Variants in CRIP2 observed in about 807,000 individuals in gnomAD.
CRIP2 encodes the protein cysteine-rich protein 2.
CRIP2 carries 31 observed loss-of-function variants against 31.3 expected under a neutral mutation model. The ratio of observed to expected loss-of-function variants is 0.99; its 90% confidence interval spans 0.74 to 1.34. The LOEUF (loss-of-function observed/expected upper bound fraction) is 1.34, where lower values mean the gene tolerates loss of function less well. Ranked by LOEUF, CRIP2 falls within the 40% of genes most tolerant of loss-of-function variation. The probability of loss-of-function intolerance (pLI) is 0.00; values close to 1 mark genes in which losing one functional copy is unlikely to be tolerated. For missense variants in CRIP2, 389 were observed against 301.6 expected (o/e 1.29, Z -2.15); for synonymous variants, 177 against 127.2 (o/e 1.39, Z -2.63).
chr14:105,479,071 AC>A (rs2084025062), intron 5 of CRIP2, 24 bp downstream of exon 5: 1 of 1,519,444 alleles, frequency 6.6e-7, no homozygotes, highest in South Asian at 1.2e-5. Flanking sequence ...CGGGCCCCGG[AC>A]CCCCGCCCCC....
chr14:105,476,521 C>A (rs1036868853), intron 1 of CRIP2: 1 of 985,520 alleles, frequency 1.0e-6, no homozygotes, highest in Non-Finnish European at 1.2e-6. Flanking sequence ...TAGACCCAAT[C>A]GATTCTGTGT....
chr14:105,479,811 C>G lies in CRIP2; in HGVS notation c.*158C>G. On this transcript the variant is annotated 3_prime_UTR_variant, in exon 8 of 8. Transcript: ENST00000329146. ...GCAGCCACGGGCAGAGCACCATGCCCATCCCCGAGTCTCTGGTGTGTCTGC... is the reference window on the plus strand; with the variant it reads ...GCAGCCACGGGCAGAGCACCATGCCGATCCCCGAGTCTCTGGTGTGTCTGC... The G allele has an allele frequency of 1.3e-6, 1 of 743,360 alleles. No individual in the cohort carries two copies. Among genetic ancestry groups the G allele is most frequent in the Non-Finnish European group, 2.2e-6 (1 of 450,234 alleles). 46.0% of individuals were successfully genotyped at this position (743,360 alleles called of 1,614,324 possible). A position where few individuals can be genotyped will look rare whatever the true frequency, so the allele number is the denominator to read the frequency against.
chr14:105,475,262 G>A (rs978207189), intron 1 of CRIP2: 1 of 229,244 alleles, frequency 4.4e-6, no homozygotes. Flanking sequence ...GGGGCAGGGC[G>A]TGGCTGTACG....
rs1396947362 is a variant in CRIP2, at chr14:105,479,056, G to A, written c.406+9G>A. ...CAAGAAGGTGTACTTCGGTGAGTGC[G>A]CGCCCGGGCCCCGGACCCCCGCCCC... On this transcript the variant is annotated intron_variant, in intron 5 of 7. Coordinates refer to ENST00000329146, the MANE Select transcript of CRIP2 (RefSeq NM_001312.4). 12 of 1,568,202 alleles carry A rather than the reference G, an allele frequency of 7.7e-6. No individual in the cohort carries two copies. The highest frequency in any genetic ancestry group is 3.7e-5 in the Admixed American group (2 of 53,920).
chr14:105,478,024 G>A lies in CRIP2; in HGVS notation c.44-242G>A, dbSNP rs2083985805. ...AGCCCCGGGCCCCTTCTCAAAGGCGGCTCTAGCGGGGTTCCAGGGCTGGGG... is the reference window on the plus strand; with the variant it reads ...AGCCCCGGGCCCCTTCTCAAAGGCGACTCTAGCGGGGTTCCAGGGCTGGGG... On this transcript the variant is annotated intron_variant, in intron 1 of 7. Transcript: ENST00000329146. This position sits in a 1 kb window ranked among gnomAD's most constrained non-coding sequence, Gnocchi z 4.9. Among the ~76,000 whole-genome samples, 2 of 151,846 alleles carry A rather than the reference G, an allele frequency of 1.3e-5. No individual in the cohort carries two copies. Among genetic ancestry groups the A allele is most frequent in the South Asian group, 4.2e-4 (2 of 4,816 alleles).
At chr14:105,479,073 C>T (rs781820649) in intron 5 of CRIP2, 26 bp downstream of exon 5, 1 of 1,563,538 alleles carries the variant, frequency 6.4e-7, no homozygotes, top group South Asian at 1.2e-5. Context: ...GGCCCCGGAC[C>T]CCCGCCCCCG....
At position 105,479,994 on chromosome 14, in the gene CRIP2, TTATG is replaced by T; in HGVS notation, c.*342_*345del. 2.9e-6 allele frequency: 1 copy of T among 341,098 alleles called. No individual in the cohort carries two copies. Among genetic ancestry groups the T allele is most frequent in the South Asian group, 3.1e-5 (1 of 32,094 alleles). 21.1% of individuals were successfully genotyped at this position (341,098 alleles called of 1,614,324 possible). Reference sequence around the variant, plus strand: ...CTGCCCACCCACCTGCCAGTGTTATTTATGCTCCCTTCGTGGGTGATGGCCACGC... The same window carrying T: ...CTGCCCACCCACCTGCCAGTGTTATTCTCCCTTCGTGGGTGATGGCCACGC... On this transcript the variant is annotated 3_prime_UTR_variant, in exon 8 of 8. Transcript: ENST00000329146.
intron 1 of CRIP2, chr14:105,477,179 C>T (rs1010584295): frequency 2.5e-5 from 18 of 732,658 alleles, no homozygotes; most frequent in African/African-American, 2.1e-4. Context: ...CTGGGCCCTT[C>T]CTGCCCCTCC....
rs587656148 is a variant in CRIP2, at chr14:105,479,462, G to C, written c.528G>C (p.Lys176Asn). ...AEHDGQPYCH[K>N]PCYGILFGPK... ...ACGACGGCCAGCCCTACTGCCACAA[G>C]CCCTGCTATGGAATCCTCTTCGGAC... Residue 176 changes from lysine to asparagine, a missense_variant, in exon 7 of 8, where the codon AAG becomes AAC. Transcript: ENST00000329146. 17 of 1,612,946 alleles carry C rather than the reference G, an allele frequency of 1.1e-5. No individual in the cohort carries two copies. The East Asian group carries it at 3.6e-4, about 34-fold the overall frequency.
chr14:105,476,414 C>T (rs2083933663), intron 1 of CRIP2: 4 of 985,412 alleles, frequency 4.1e-6, no homozygotes, highest in Non-Finnish European at 4.8e-6. Flanking sequence ...GCAGCTCATA[C>T]CTGAGTAGAA....
At chr14:105,475,639 G>A (rs894818271) in intron 1 of CRIP2, among the ~76,000 whole-genome samples, 2 of 152,234 alleles carry the variant, frequency 1.3e-5, no homozygotes, top group Non-Finnish European at 2.9e-5. Context: ...GCCCTGGACA[G>A]GATGCAGGTG....
chr14:105,475,717 C>G (rs1032377019), intron 1 of CRIP2: 21 of 658,548 alleles, frequency 3.2e-5, no homozygotes, highest in Admixed American at 6.3e-5. Context: ...GCGCTCCCCC[C>G]GTCTGGGCTT....
upstream of CRIP2, chr14:105,474,628 G>A (rs1425242094): frequency 3.8e-6 from 1 of 260,508 alleles, no homozygotes; most frequent in Non-Finnish European, 5.9e-6. The surrounding 1 kb of genome is among the most constrained non-coding windows in gnomAD (Gnocchi z 5.1). Flanking sequence ...CGGCGCGAGG[G>A]GCCCGGGGGC....
chr14:105,474,979 C>G lies in CRIP2; in HGVS notation c.43+74C>G. ...CGCGGCCAGTCCCGCGCCGCAGAGC[C>G]GCGGCGTAACTCGGGGTGCGCCCGG... On this transcript the variant is annotated intron_variant, in intron 1 of 7. Transcript: ENST00000329146. The surrounding 1 kb of genome is among the most constrained non-coding windows in gnomAD (Gnocchi z 5.1). The G allele has an allele frequency of 5.8e-6, 8 of 1,374,246 alleles. No individual in the cohort carries two copies. Among genetic ancestry groups the G allele is most frequent in the Non-Finnish European group, 7.6e-6 (8 of 1,057,522 alleles). The allele number at this position is 1,374,246 out of a possible 1,614,324, so 85.1% of individuals were successfully genotyped here. A position where few individuals can be genotyped will look rare whatever the true frequency, so the allele number is the denominator to read the frequency against.
rs587650667 is a variant in CRIP2, at chr14:105,479,500, G to A, written c.559+7G>A. 4.3e-6 allele frequency: 7 copies of A among 1,612,970 alleles called. No individual in the cohort carries two copies. The South Asian group carries it at 5.5e-5, about 13-fold the overall frequency. ...ATCCTCTTCGGACCCAAGGGTGAGT[G>A]TAGCCAGGGTGGTCCACGATGTCTT... On this transcript the variant is annotated splice_region_variant and intron_variant, in intron 7 of 7. Transcript: ENST00000329146.
chr14:105,478,957 C>A lies in CRIP2; in HGVS notation c.338-22C>A. The A allele has an allele frequency of 6.5e-7, 1 of 1,550,146 alleles. No homozygotes were observed. Among genetic ancestry groups the A allele is most frequent in the Non-Finnish European group, 8.7e-7 (1 of 1,153,800 alleles). On this transcript the variant is annotated intron_variant, in intron 4 of 7. Transcript: ENST00000329146. The surrounding 1 kb of genome is among the most constrained non-coding windows in gnomAD (Gnocchi z 4.9). ...TGTGGGCACCCCCGGCCCCGCCCCGCCCTGACTCGTGCGCCCCACAGCCTC... is the reference window on the plus strand; with the variant it reads ...TGTGGGCACCCCCGGCCCCGCCCCGACCTGACTCGTGCGCCCCACAGCCTC...
rs1019877387 is a variant in CRIP2, at chr14:105,479,219, G to A, written c.501G>A (p.Glu167=). 3 of 1,609,450 alleles carry A rather than the reference G, an allele frequency of 1.9e-6. No homozygotes were observed. The highest frequency in any genetic ancestry group is 2.5e-6 in the Non-Finnish European group (3 of 1,178,636). Residue 167 remains glutamate (E), a splice_region_variant and synonymous_variant, in exon 6 of 8, where the codon GAG becomes GAA. Coordinates refer to ENST00000329146, the MANE Select transcript of CRIP2 (RefSeq NM_001312.4). ...GKTLTPGGHA[E]HDGQPYCHKP... ...CACTGACCCCCGGCGGGCACGCGGA[G>A]GTGAGGGGAGTGCAACGGGGCTTGG...
chr14:105,478,476 G>A lies in CRIP2; in HGVS notation c.165G>A (p.Lys55=), dbSNP rs146240601. Reference sequence around the variant, plus strand: ...ATGACGGGAAGCCGTTCTGCCACAAGCCGTGCTACGCCACCCTGTTCGGAC... The same window carrying A: ...ATGACGGGAAGCCGTTCTGCCACAAACCGTGCTACGCCACCCTGTTCGGAC... ...AEHDGKPFCH[K]PCYATLFGPK... The change falls in exon 3 of 8, where the codon AAG becomes AAA. Residue 55 remains lysine, a synonymous_variant. Coordinates refer to ENST00000329146, the MANE Select transcript of CRIP2 (RefSeq NM_001312.4). This position sits in a 1 kb window ranked among gnomAD's most constrained non-coding sequence, Gnocchi z 4.9. 404 of 1,608,262 alleles carry A rather than the reference G, an allele frequency of 2.5e-4. No individual in the cohort carries two copies. The highest frequency in any genetic ancestry group is 3.3e-4 in the Non-Finnish European group (384 of 1,179,066).
chr14:105,474,913 C>T lies in CRIP2; in HGVS notation c.43+8C>T. 3 of 1,513,674 alleles carry T rather than the reference C, an allele frequency of 2.0e-6. No individual in the cohort carries two copies. Among genetic ancestry groups the T allele is most frequent in the Non-Finnish European group, 2.7e-6 (3 of 1,131,118 alleles). 93.8% of individuals were successfully genotyped at this position (1,513,674 alleles called of 1,614,324 possible). On this transcript the variant is annotated splice_region_variant and intron_variant, in intron 1 of 7. Coordinates refer to ENST00000329146, the MANE Select transcript of CRIP2 (RefSeq NM_001312.4). The surrounding 1 kb of genome is among the most constrained non-coding windows in gnomAD (Gnocchi z 5.1). ...ACAAGACCGTGTACTTCGGTGAGTG[C>T]GTGCCCGCTCCCGGCCCGCTCGGTG...
Sources: gnomAD v4.1 joint callset for allele counts (sites outside exome capture counted in the v4.1 genomes callset) on GRCh38, gnomAD v4.1.1 for gene constraint, Gnocchi (gnomAD v3.1) non-coding constraint, MANE v1.5 for transcripts, NCBI Gene and HGNC (gene_info 2026-07-23, HGNC 2026-07-21) for gene names.